Variants in PCDHGA7 observed in about 807,000 individuals in gnomAD.
PCDHGA7 encodes the protein protocadherin gamma-A7.
PCDHGA7 carries 44 observed loss-of-function variants against 58.3 expected under a neutral mutation model. That is an observed-to-expected ratio of 0.75 (90% CI 0.59 to 0.97). PCDHGA7 has a LOEUF of 0.97. PCDHGA7 is among the 50% of genes least tolerant of loss of function. The pLI is 0.00. For synonymous variants in PCDHGA7, 516 were observed against 504.2 expected (o/e 1.02, Z -0.31); for missense variants, 1,266 against 1,188.7 (o/e 1.06, Z -0.96).
At chr5:141,398,643 C>T (rs746159571) in intron 1 of PCDHGA7, 1 of 1,614,024 alleles carries the variant, frequency 6.2e-7, no homozygotes, top group Admixed American at 1.7e-5. Context: ...AGTATAAACT[C>T]TCTCTTAACC....
intron 1 of PCDHGA7, among the ~76,000 whole-genome samples, chr5:141,387,076 G>T (rs531327789): frequency 2.8e-4 from 42 of 152,310 alleles, no homozygotes; most frequent in African/African-American, 9.4e-4. Flanking sequence ...GTAGGCTACT[G>T]CCTGTGATCA....
intron 1 of PCDHGA7, among the ~76,000 whole-genome samples, chr5:141,464,019 C>A (rs1285414825): frequency 2.0e-5 from 3 of 151,984 alleles, no homozygotes; most frequent in African/African-American, 4.8e-5. Context: ...TAATCCCACA[C>A]TTTGGGAGGC....
In PCDHGA7 at chr5:141,415,292, G is replaced by T. The variant is rs778092218; in HGVS notation, c.2424+29969G>T. The T allele has an allele frequency of 1.7e-5, 28 of 1,614,082 alleles. No individual in the cohort carries two copies. Among genetic ancestry groups the T allele is most frequent in the Non-Finnish European group, 2.3e-5 (27 of 1,180,046 alleles). Reference sequence around the variant, plus strand: ...GTGGTAGCGGTGGCCGCGGTCTCCTGCGTCTTCCTGGCCTTCGTCATCGTG... The same window carrying T: ...GTGGTAGCGGTGGCCGCGGTCTCCTTCGTCTTCCTGGCCTTCGTCATCGTG... On this transcript the variant is annotated intron_variant, in intron 1 of 3. Coordinates refer to ENST00000518325, the MANE Select transcript of PCDHGA7 (RefSeq NM_018920.4).
At chr5:141,424,300 AAC>A (rs1370166165) in intron 1 of PCDHGA7, 2 of 152,504 alleles carry the variant, frequency 1.3e-5, no homozygotes, top group Non-Finnish European at 2.9e-5. Context: ...TCATCCTATC[AAC>A]ACAGACATAT....
At position 141,489,586 on chromosome 5, in the gene PCDHGA7, C is replaced by T; in HGVS notation, c.2425-5221C>T. 1 of 1,614,082 alleles carries T rather than the reference C, an allele frequency of 6.2e-7. No individual in the cohort carries two copies. The highest frequency in any genetic ancestry group is 8.5e-7 in the Non-Finnish European group (1 of 1,179,988). On this transcript the variant is annotated intron_variant, in intron 1 of 3. Coordinates refer to ENST00000518325, the MANE Select transcript of PCDHGA7 (RefSeq NM_018920.4). This position sits in a 1 kb window ranked among gnomAD's most constrained non-coding sequence, Gnocchi z 4.5. ...GGTGGTGACTGAACACCCCCTGGAG[C>T]TAATCCGTGTAGAGGTAGAGATCCT...
chr5:141,502,955 T>C (rs2099817293), intron 2 of PCDHGA7, among the ~76,000 whole-genome samples: 1 of 149,868 alleles, frequency 6.7e-6, no homozygotes, highest in Non-Finnish European at 1.5e-5. Context: ...GCGATTCTCC[T>C]GCCTCAGCCT....
At chr5:141,393,912 G>A (rs1430302094) in intron 1 of PCDHGA7, 1 of 1,613,924 alleles carries the variant, frequency 6.2e-7, no homozygotes. Context: ...GACAGTAATT[G>A]CCTTCTTGAG....
chr5:141,510,251 C>T (rs569804850), intron 3 of PCDHGA7, among the ~76,000 whole-genome samples: 5 of 144,790 alleles, frequency 3.5e-5, no homozygotes, highest in South Asian at 4.3e-4. Flanking sequence ...CCAGGCTGGG[C>T]GACAGAGCAG....
rs2154555227 is a variant in PCDHGA7, at chr5:141,432,737, C to G, written c.2424+47414C>G. ...GCCCCCTCTCTCCGCCACTGTCACG[C>G]TCACCGTGGCCGTGGCCGACAGCAT... On this transcript the variant is annotated intron_variant, in intron 1 of 3. Coordinates refer to ENST00000518325, the MANE Select transcript of PCDHGA7 (RefSeq NM_018920.4). This position sits in a 1 kb window ranked among gnomAD's most constrained non-coding sequence, Gnocchi z 6.0. 6.2e-7 allele frequency: 1 copy of G among 1,614,110 alleles called. No homozygotes were observed. The highest frequency in any genetic ancestry group is 8.5e-7 in the Non-Finnish European group (1 of 1,180,002).
intron 1 of PCDHGA7, chr5:141,395,737 A>T (rs2093305517): frequency 6.5e-6 from 1 of 152,906 alleles, no homozygotes; most frequent in Non-Finnish European, 1.5e-5. Flanking sequence ...TTCACTTTAA[A>T]CCTCTTTTCT....
At chr5:141,412,133 C>T (rs2095537829) in intron 1 of PCDHGA7, 1 of 152,184 alleles carries the variant, frequency 6.6e-6, no homozygotes, top group African/African-American at 2.4e-5. Flanking sequence ...GGACTTTGGC[C>T]TCTGATACAA....
At chr5:141,508,756 C>A (rs890362975) in intron 3 of PCDHGA7, among the ~76,000 whole-genome samples, 2 of 151,904 alleles carry the variant, frequency 1.3e-5, no homozygotes, top group African/African-American at 4.8e-5. Flanking sequence ...CTTTCTCTGG[C>A]GCCTCTGAGG....
intron 1 of PCDHGA7, chr5:141,419,462 C>T: frequency 6.2e-7 from 1 of 1,612,582 alleles, no homozygotes. Flanking sequence ...GCTGCAGGCC[C>T]GCGACCAGGG....
At chr5:141,399,473 A>G (rs2093815825) in intron 1 of PCDHGA7, 2 of 1,613,996 alleles carry the variant, frequency 1.2e-6, no homozygotes, top group Non-Finnish European at 1.7e-6. Context: ...CCGGTTTTCC[A>G]CCAGGCGTCC....
At position 141,431,387 on chromosome 5, in the gene PCDHGA7, C is replaced by T; in HGVS notation, c.2424+46064C>T. The T allele has an allele frequency of 1.9e-6, 3 of 1,613,938 alleles. 1 individual carries two copies. The South Asian group carries it at 3.3e-5, about 18-fold the overall frequency. Reference sequence around the variant, plus strand: ...CCGCGAAGAAAAGGCTGCTCACCACCTGGTCCTTACGGCCTCCGACGGGGG... The same window carrying T: ...CCGCGAAGAAAAGGCTGCTCACCACTTGGTCCTTACGGCCTCCGACGGGGG... On this transcript the variant is annotated intron_variant, in intron 1 of 3. Coordinates refer to ENST00000518325, the MANE Select transcript of PCDHGA7 (RefSeq NM_018920.4). This position sits in a 1 kb window ranked among gnomAD's most constrained non-coding sequence, Gnocchi z 4.8.
At chr5:141,436,104 G>A (rs368559994) in intron 1 of PCDHGA7, among the ~76,000 whole-genome samples, 10 of 152,086 alleles carry the variant, frequency 6.6e-5, no homozygotes, top group East Asian at 3.9e-4. Flanking sequence ...AGAAATAGAG[G>A]ACAATGAAAC....
intron 1 of PCDHGA7, chr5:141,410,562 C>A (rs748563687): frequency 1.9e-6 from 3 of 1,612,718 alleles, no homozygotes; most frequent in Non-Finnish European, 2.5e-6. Context: ...TCTCCTGGAG[C>A]CTTAATTCCA....
intron 1 of PCDHGA7, chr5:141,422,413 GAA>G (rs753790858): frequency 6.2e-7 from 1 of 1,604,644 alleles, no homozygotes; most frequent in South Asian, 1.1e-5. Flanking sequence ...TTTTAAATTA[GAA>G]AAGACTTATG....
chr5:141,455,593 C>G (rs957677108), intron 1 of PCDHGA7, among the ~76,000 whole-genome samples: 19 of 152,068 alleles, frequency 1.2e-4, no homozygotes, highest in African/African-American at 4.6e-4. Context: ...AATATGCAAA[C>G]GTAGGGCGCC....
Sources: gnomAD v4.1 joint callset for allele counts (sites outside exome capture counted in the v4.1 genomes callset) on GRCh38, gnomAD v4.1.1 for gene constraint, Gnocchi (gnomAD v3.1) non-coding constraint, MANE v1.5 for transcripts, NCBI Gene and HGNC (gene_info 2026-07-23, HGNC 2026-07-21) for gene names.